Variants in CHD7 observed in about 807,000 individuals in gnomAD.
CHD7 encodes the protein chromodomain helicase DNA binding protein 7.
CHD7 carries 24 observed loss-of-function variants against 307.3 expected under a neutral mutation model. That is an observed-to-expected ratio of 0.08 (90% confidence interval 0.06 to 0.11). The LOEUF (loss-of-function observed/expected upper bound fraction) is 0.11. Ranked by LOEUF, CHD7 falls within the 10% of genes least tolerant of loss-of-function variation. The pLI is 1.00. For synonymous variants in CHD7, 1,363 were observed against 1,349.9 expected, an observed-to-expected ratio of 1.01 and a Z score of -0.21; for missense variants, 3,106 against 3,727.1, an observed-to-expected ratio of 0.83 and a Z score of 4.34.
chr8:60,705,441 A>G (rs1806979759), intron 1 of CHD7, among the ~76,000 whole-genome samples: 1 of 152,248 alleles, frequency 6.6e-6, no homozygotes, highest in Non-Finnish European at 1.5e-5. Flanking sequence ...CTCGTTTGAT[A>G]CTTAATGTTG....
chr8:60,719,822 T>C (rs1259385633), intron 1 of CHD7, among the ~76,000 whole-genome samples: 1 of 152,186 alleles, frequency 6.6e-6, no homozygotes, highest in Non-Finnish European at 1.5e-5. Context: ...ACTGAGGCCT[T>C]GTGAGGGTTA....
intron 8 of CHD7, among the ~76,000 whole-genome samples, chr8:60,818,682 A>G (rs1489662542): frequency 6.6e-6 from 1 of 152,158 alleles, no homozygotes; most frequent in South Asian, 2.1e-4. Context: ...TCATGGTTCA[A>G]AGCTTCCCAA....
At chr8:60,845,551 T>A in intron 23 of CHD7, 142 bp downstream of exon 23, 1 of 892,748 alleles carries the variant, frequency 1.1e-6, no homozygotes, top group South Asian at 1.8e-5. Flanking sequence ...TCTGCGGATC[T>A]TGGTGTCTGA....
chr8:60,862,875 T>TA (rs774591182), intron 37 of CHD7: 159 of 532,240 alleles, frequency 3.0e-4, no homozygotes, highest in Non-Finnish European at 4.2e-4. Flanking sequence ...TATGGAAACA[T>TA]ACATTCACAA....
intron 36 of CHD7, 92 bp downstream of exon 36, chr8:60,862,428 C>T: frequency 6.7e-7 from 1 of 1,491,772 alleles, no homozygotes; most frequent in Admixed American, 2.2e-5. Context: ...GGAAAAGAAT[C>T]CTGTCTGCCC....
chr8:60,731,509 T>C (rs74649760), intron 1 of CHD7, among the ~76,000 whole-genome samples: 2,766 of 152,186 alleles, frequency 0.018, 54 homozygotes, highest in South Asian at 0.058. Context: ...CCACTAGAGG[T>C]CTTGGTACGT....
At chr8:60,763,976 AG>A (rs1810348641) in intron 2 of CHD7, among the ~76,000 whole-genome samples, 3 of 151,824 alleles carry the variant, frequency 2.0e-5, no homozygotes, top group Middle Eastern at 3.2e-3. Flanking sequence ...TGACTGAAAT[AG>A]TTCTTTCTTT....
rs1173231206 is a variant in CHD7, at chr8:60,838,060, T to C, written c.4354-16T>C. On this transcript the variant is annotated splice_polypyrimidine_tract_variant and intron_variant, in intron 18 of 37. Transcript: ENST00000423902. ...TTTAAATTATTTTGAGTATTTTAAA[T>C]ATTTCTCTAAAACAGGTACAACAGC... The C allele has an allele frequency of 1.4e-6, 2 of 1,459,440 alleles. No individual in the cohort carries two copies. The highest frequency in any genetic ancestry group is 5.0e-5 in the East Asian group (2 of 39,960). The allele number at this position is 1,459,440 out of a possible 1,614,324, so 90.4% of individuals were successfully genotyped here.
intron 1 of CHD7, among the ~76,000 whole-genome samples, 159 bp downstream of exon 1, chr8:60,679,241 G>C (rs1477161549): frequency 3.4e-5 from 5 of 148,972 alleles, no homozygotes; most frequent in African/African-American, 1.2e-4. Flanking sequence ...GGAGGGGGCC[G>C]GGGCCAGCGC....
chr8:60,718,388 T>C (rs1197366721), intron 1 of CHD7, among the ~76,000 whole-genome samples: 1 of 151,656 alleles, frequency 6.6e-6, no homozygotes, highest in African/African-American at 2.4e-5. Context: ...GGCAGGAGAA[T>C]CTCTTGAACC....
chr8:60,838,709 C>T (rs1804843941), intron 19 of CHD7, among the ~76,000 whole-genome samples: 1 of 152,204 alleles, frequency 6.6e-6, no homozygotes, highest in East Asian at 1.9e-4. Context: ...TAATCTACTG[C>T]AGCCTCTACT....
chr8:60,786,244 A>C (rs1811486598), intron 3 of CHD7, among the ~76,000 whole-genome samples: 1 of 152,112 alleles, frequency 6.6e-6, no homozygotes, highest in Non-Finnish European at 1.5e-5. Flanking sequence ...CCCTTCCTCT[A>C]TTTAATTTCA....
rs1392837517 is a variant in CHD7, at chr8:60,838,205, A to G, written c.4483A>G (p.Thr1495Ala). ...TATTGATCAGATCCTCCTACGTCGA[A>G]CCCACACCATTACCATTGAGTCAGA... ...EDIDQILLRRTHTITIESEGK... is the reference protein window; with the variant it reads ...EDIDQILLRRAHTITIESEGK... The change falls in exon 19 of 38, where the codon ACC (threonine) becomes GCC (alanine). Residue 1495 changes from threonine to alanine, a missense_variant. By Grantham distance (58) the Thr-to-Ala change is moderately conservative. Around this residue, in one of 10 missense-constraint regions of CHD7, gnomAD observed 93 missense variants for 176.4 expected, o/e 0.53. Transcript: ENST00000423902. 1 of 1,603,452 alleles carries G rather than the reference A, an allele frequency of 6.2e-7. No homozygotes were observed. The highest frequency in any genetic ancestry group is 8.5e-7 in the Non-Finnish European group (1 of 1,174,918).
chr8:60,853,544 G>T, intron 31 of CHD7, 44 bp downstream of exon 31: 1 of 1,445,948 alleles, frequency 6.9e-7, no homozygotes, highest in Non-Finnish European at 9.2e-7. Context: ...TGCAGCAGCT[G>T]GTTGTGAGAT....
chr8:60,820,180 T>A, intron 9 of CHD7, 90 bp downstream of exon 9: 6 of 755,108 alleles, frequency 7.9e-6, no homozygotes, highest in Non-Finnish European at 1.1e-5. Flanking sequence ...GACCTGGTCT[T>A]GGTCAGAGCC....
intron 19 of CHD7, among the ~76,000 whole-genome samples, chr8:60,841,344 G>A (rs549975432): frequency 1.2e-4 from 18 of 152,266 alleles, no homozygotes; most frequent in South Asian, 6.2e-4. Context: ...TTTTCTTTTC[G>A]GTTTCCAGCA....
intron 35 of CHD7, 48 bp from the exon 36 acceptor site, chr8:60,862,148 A>T: frequency 6.7e-7 from 1 of 1,484,680 alleles, no homozygotes; most frequent in Non-Finnish European, 9.2e-7. Context: ...TATAGAGAAG[A>T]ATAAGTACTA....
chr8:60,818,079 G>A (rs1803831953), intron 8 of CHD7, among the ~76,000 whole-genome samples: 2 of 152,200 alleles, frequency 1.3e-5, no homozygotes, highest in Admixed American at 1.3e-4. Flanking sequence ...TCCTGAGTGG[G>A]AGTTAGCAGA....
intron 1 of CHD7, among the ~76,000 whole-genome samples, chr8:60,698,546 G>A (rs1287149638): frequency 1.3e-5 from 2 of 152,172 alleles, no homozygotes; most frequent in African/African-American, 4.8e-5. Context: ...AGTACTCTCT[G>A]CCTTTGGGAT....
Sources: allele counts gnomAD v4.1 joint callset (sites outside exome capture counted in the v4.1 genomes callset), GRCh38; gene constraint gnomAD v4.1.1; regional missense constraint gnomAD v4.1.1; transcripts MANE v1.5; gene names NCBI Gene and HGNC (gene_info 2026-07-23, HGNC 2026-07-21).